The following VAV3 variants were observed in gnomAD, a reference collection of about 807,000 sequenced individuals.
VAV3 encodes guanine nucleotide exchange factor VAV3.
VAV3 carries 94 observed loss-of-function variants against 131.2 expected under a neutral mutation model. The ratio of observed to expected loss-of-function variants is 0.72; its 90% confidence interval spans 0.61 to 0.85. The LOEUF is 0.85. Among genes scored for constraint, VAV3 ranks in the 40% least tolerant of loss-of-function variants. VAV3 has a pLI of 0.00. For synonymous variants in VAV3, 349 were observed against 342.0 expected, an observed-to-expected ratio of 1.02 and a Z score of -0.22; for missense variants, 939 against 1,002.7, an observed-to-expected ratio of 0.94 and a Z score of 0.86.
chr1:107,961,023 G>A (rs957630760), intron 1 of VAV3, among the ~76,000 whole-genome samples: 6 of 151,706 alleles, frequency 4.0e-5, no homozygotes, highest in Admixed American at 6.6e-5. Flanking sequence ...ACCCCTTTAG[G>A]GCAGGGACTT....
chr1:107,860,981 C>A (rs1331263310), intron 2 of VAV3, among the ~76,000 whole-genome samples: 1 of 151,592 alleles, frequency 6.6e-6, no homozygotes, highest in Non-Finnish European at 1.5e-5. Context: ...GCTCTAAAAC[C>A]AATGGAAGAA....
At chr1:107,761,233 C>G (rs1664400185) in intron 9 of VAV3, among the ~76,000 whole-genome samples, 1 of 151,696 alleles carries the variant, frequency 6.6e-6, no homozygotes, top group Admixed American at 6.6e-5. Context: ...ACTGAAAATA[C>G]AAAAACAAAA....
At chr1:107,888,565 T>C (rs1220578592) in intron 1 of VAV3, among the ~76,000 whole-genome samples, 1 of 152,172 alleles carries the variant, frequency 6.6e-6, no homozygotes, top group East Asian at 1.9e-4. Flanking sequence ...TTCATGCGAT[T>C]CTCCTGCCTC....
chr1:107,681,514 A>C (rs1331177041), intron 19 of VAV3, among the ~76,000 whole-genome samples: 1 of 152,198 alleles, frequency 6.6e-6, no homozygotes, highest in East Asian at 1.9e-4. Flanking sequence ...CCTAAATCAA[A>C]AGACAGCTGT....
At chr1:107,830,566 G>A (rs1163934950) in intron 2 of VAV3, among the ~76,000 whole-genome samples, 2 of 152,028 alleles carry the variant, frequency 1.3e-5, no homozygotes, top group Non-Finnish European at 2.9e-5. Context: ...TCTGCACATA[G>A]CCCCCTCCAG....
intron 19 of VAV3, among the ~76,000 whole-genome samples, chr1:107,652,556 T>C (rs1656250685): frequency 6.6e-6 from 1 of 152,186 alleles, no homozygotes; most frequent in South Asian, 2.1e-4. Context: ...GCCAAGGCAG[T>C]CTACATTATG....
chr1:107,698,743 T>C (rs1659896931), intron 17 of VAV3, among the ~76,000 whole-genome samples: 1 of 152,160 alleles, frequency 6.6e-6, no homozygotes. Flanking sequence ...TTTAATTGAC[T>C]CCCAGTTTAA....
intron 13 of VAV3, 53 bp downstream of exon 13, chr1:107,751,064 C>T (rs984767117): frequency 5.1e-5 from 78 of 1,538,968 alleles, no homozygotes; most frequent in Non-Finnish European, 6.8e-5. Context: ...AAGGTTTTCT[C>T]AGTTTTCTGA....
chr1:107,959,153 T>C (rs1296702012), intron 1 of VAV3, among the ~76,000 whole-genome samples: 1 of 152,010 alleles, frequency 6.6e-6, no homozygotes, highest in African/African-American at 2.4e-5. Flanking sequence ...CCTAGCTACC[T>C]GGGAGGCTAA....
At chr1:107,934,244 A>G (rs972023163) in intron 1 of VAV3, among the ~76,000 whole-genome samples, 12 of 152,300 alleles carry the variant, frequency 7.9e-5, no homozygotes, top group African/African-American at 2.6e-4. Context: ...AATATTGCAA[A>G]ACCCAAGACT....
Position 107,964,692 on chromosome 1 carries a change from TCTC to T in VAV3, c.175_177del (p.Glu59del), listed in dbSNP as rs771926028. 4 of 1,613,638 alleles carry T rather than the reference TCTC, an allele frequency of 2.5e-6. No homozygotes were observed. In the African/African-American group the frequency reaches 5.3e-5, roughly 22 times the overall value. ...TGGGACATCTGCGGCCTCAGGTTGA[TCTC>T]CTTCAGGTTGATGGAGTGCGCCCGG... On this transcript the variant is annotated inframe_deletion, in exon 1 of 27. Coordinates refer to ENST00000370056, the MANE Select transcript of VAV3 (RefSeq NM_006113.5).
intron 22 of VAV3, among the ~76,000 whole-genome samples, chr1:107,608,256 G>A (rs888787521): frequency 6.6e-6 from 1 of 152,030 alleles, no homozygotes; most frequent in African/African-American, 2.4e-5. Flanking sequence ...TGGTTCTTAG[G>A]TACCTAATAA....
chr1:107,707,433 T>A (rs1004159874), intron 15 of VAV3, among the ~76,000 whole-genome samples: 1 of 152,220 alleles, frequency 6.6e-6, no homozygotes, highest in Non-Finnish European at 1.5e-5. Flanking sequence ...ATATGTAACG[T>A]GCTTAGAACA....
chr1:107,952,487 C>CGTATAT (rs1557943615), intron 1 of VAV3, among the ~76,000 whole-genome samples: 2 of 133,476 alleles, frequency 1.5e-5, no homozygotes, highest in Non-Finnish European at 3.1e-5. Flanking sequence ...TATATATATA[C>CGTATAT]ACACATAAAT....
chr1:107,956,363 AC>A (rs1674813671), intron 1 of VAV3, among the ~76,000 whole-genome samples: 1 of 152,120 alleles, frequency 6.6e-6, no homozygotes, highest in South Asian at 2.1e-4. Context: ...TTTCCTCAGG[AC>A]CCCTTTCCAC....
chr1:107,961,610 T>C (rs1675090743), intron 1 of VAV3, among the ~76,000 whole-genome samples: 1 of 152,204 alleles, frequency 6.6e-6, no homozygotes, highest in Non-Finnish European at 1.5e-5. Context: ...TAACTAAATA[T>C]GATTAATGTT....
At chr1:107,696,713 T>C (rs1409720707) in intron 17 of VAV3, among the ~76,000 whole-genome samples, 2 of 152,210 alleles carry the variant, frequency 1.3e-5, no homozygotes, top group Non-Finnish European at 2.9e-5. Context: ...AAGTCAGTAG[T>C]ACTCCCTTGC....
chr1:107,752,893 A>G (rs1663825434), intron 12 of VAV3, among the ~76,000 whole-genome samples: 1 of 152,200 alleles, frequency 6.6e-6, no homozygotes, highest in Admixed American at 6.5e-5. Flanking sequence ...TGGTATAGCA[A>G]TTCTTCAATA....
intron 1 of VAV3, among the ~76,000 whole-genome samples, chr1:107,934,129 A>G (rs17020390): frequency 0.095 from 14,465 of 152,244 alleles, 813 homozygotes; most frequent in African/African-American, 0.15. Flanking sequence ...AGTGCCTTCT[A>G]TTCTTATTAT....
Sources: gnomAD v4.1 joint callset for allele counts (sites outside exome capture counted in the v4.1 genomes callset) on GRCh38, gnomAD v4.1.1 for gene constraint, MANE v1.5 for transcripts, NCBI Gene and HGNC (gene_info 2026-07-23, HGNC 2026-07-21) for gene names.